Variants in PRKG1 observed in about 807,000 individuals in gnomAD.
PRKG1 encodes the protein protein kinase cGMP-dependent 1.
In PRKG1, 35 loss-of-function variants were observed where a neutral mutation model predicts 88.1. The ratio of observed to expected loss-of-function variants is 0.40; its 90% CI spans 0.30 to 0.53. PRKG1 has a LOEUF of 0.53. Ranked by LOEUF, PRKG1 falls within the 20% of genes least tolerant of loss-of-function variation. The probability of loss-of-function intolerance (pLI) is 0.59; values close to 1 mark genes in which losing one functional copy is unlikely to be tolerated. For synonymous variants in PRKG1, 303 were observed against 292.5 expected, an observed-to-expected ratio of 1.04 and a Z score of -0.37; for missense variants, 540 against 839.8, an observed-to-expected ratio of 0.64 and a Z score of 4.41.
chr10:51,366,360 T>C (rs114171627), intron 2 of PRKG1, among the ~76,000 whole-genome samples: 399 of 152,078 alleles, frequency 2.6e-3, no homozygotes, highest in African/African-American at 9.0e-3. Context: ...TTAAATCCAC[T>C]TAGATTTTAA....
chr10:52,051,496 C>G (rs952121934), intron 5 of PRKG1, among the ~76,000 whole-genome samples: 1 of 152,164 alleles, frequency 6.6e-6, no homozygotes, highest in Non-Finnish European at 1.5e-5. Context: ...GGAAAGCATT[C>G]TGCAAGCTGG....
chr10:51,473,295 G>A (rs1478091861), intron 3 of PRKG1, among the ~76,000 whole-genome samples: 1 of 151,852 alleles, frequency 6.6e-6, no homozygotes, highest in East Asian at 1.9e-4. Flanking sequence ...CAAAAGCCAT[G>A]TTTTAATCTC....
At chr10:51,587,453 T>A (rs1274906027) in intron 3 of PRKG1, among the ~76,000 whole-genome samples, 2 of 152,158 alleles carry the variant, frequency 1.3e-5, no homozygotes. Context: ...AGTGAGTCCA[T>A]AGAGAGTCTA....
At chr10:51,263,762 T>A (rs1318925864) in intron 2 of PRKG1, among the ~76,000 whole-genome samples, 3 of 152,212 alleles carry the variant, frequency 2.0e-5, no homozygotes, top group Non-Finnish European at 1.5e-5. Flanking sequence ...TATGAAAGAA[T>A]AAATGCTAGT....
chr10:51,808,220 T>G (rs1230083021), intron 4 of PRKG1, among the ~76,000 whole-genome samples: 1 of 152,210 alleles, frequency 6.6e-6, no homozygotes, highest in Non-Finnish European at 1.5e-5. Context: ...TTTAAAGTTT[T>G]TTTGTATAGT....
chr10:52,218,483 C>G (rs1247925020), intron 9 of PRKG1, among the ~76,000 whole-genome samples: 3 of 152,086 alleles, frequency 2.0e-5, no homozygotes, highest in Admixed American at 2.0e-4. Flanking sequence ...AAAACCTTAT[C>G]AAGTATGACC....
chr10:51,435,573 G>T (rs749876027), intron 2 of PRKG1, among the ~76,000 whole-genome samples: 3 of 151,668 alleles, frequency 2.0e-5, no homozygotes, highest in Non-Finnish European at 4.4e-5. Flanking sequence ...ATTATACTTG[G>T]CCTCTTTTGT....
At chr10:51,645,190 T>C (rs1839887605) in intron 3 of PRKG1, among the ~76,000 whole-genome samples, 1 of 152,214 alleles carries the variant, frequency 6.6e-6, no homozygotes, top group Admixed American at 6.5e-5. Flanking sequence ...TTTTCCCTTA[T>C]GTTATTTACA....
intron 4 of PRKG1, among the ~76,000 whole-genome samples, chr10:51,832,858 G>A (rs1840036751): frequency 6.6e-6 from 1 of 152,132 alleles, no homozygotes. Flanking sequence ...CACAGATAAA[G>A]TCTCTCTGGT....
At chr10:51,670,473 A>C (rs1435729109) in intron 3 of PRKG1, among the ~76,000 whole-genome samples, 1 of 150,954 alleles carries the variant, frequency 6.6e-6, no homozygotes, top group Non-Finnish European at 1.5e-5. Flanking sequence ...GCGGTGGCTC[A>C]CGCCTGTAAT....
At chr10:51,134,720 A>T (rs932919638) in intron 1 of PRKG1, among the ~76,000 whole-genome samples, 1 of 152,142 alleles carries the variant, frequency 6.6e-6, no homozygotes, top group African/African-American at 2.4e-5. Context: ...TAGATATTTG[A>T]ATGACATTAT....
intron 3 of PRKG1, among the ~76,000 whole-genome samples, chr10:51,482,397 A>G (rs942037655): frequency 2.0e-5 from 3 of 152,216 alleles, no homozygotes; most frequent in African/African-American, 7.2e-5. Flanking sequence ...AGGAACAGAC[A>G]GAAGGGATAC....
intron 3 of PRKG1, among the ~76,000 whole-genome samples, chr10:51,525,450 G>A (rs531639409): frequency 3.5e-4 from 54 of 152,316 alleles, no homozygotes; most frequent in African/African-American, 1.3e-3. Context: ...TGTAATCCCA[G>A]CACTTTGGGA....
Position 51,061,060 on chromosome 10 carries a change from G to GGTGTGTGTGTGTGTGTGTGTGTGT in PRKG1, c.266+69417_266+69440dup, listed in dbSNP as rs71029344. On this transcript the variant is annotated intron_variant, in intron 1 of 17. Coordinates refer to the PRKG1 transcript ENST00000401604. Reference sequence around the variant, plus strand: ...ACAGTTTTACTGTGTTATACCTAGGGGTGTGTGTGTGTGTGTGTGTGTGTC... The same window carrying GGTGTGTGTGTGTGTGTGTGTGTGT: ...ACAGTTTTACTGTGTTATACCTAGGGGTGTGTGTGTGTGTGTGTGTGTGTGTGTGTGTGTGTGTGTGTGTGTGTC... Among the ~76,000 whole-genome samples, 214 of 147,148 alleles carry GGTGTGTGTGTGTGTGTGTGTGTGT rather than the reference G, an allele frequency of 1.5e-3. 1 individual carries two copies. The highest frequency in any genetic ancestry group is 3.8e-3 in the African/African-American group (149 of 38,992).
chr10:52,134,594 GC>G (rs1564483956), intron 8 of PRKG1, among the ~76,000 whole-genome samples: 1 of 152,150 alleles, frequency 6.6e-6, no homozygotes, highest in Non-Finnish European at 1.5e-5. Context: ...AGTGGAACAG[GC>G]TTTTCTTCCT....
chr10:52,138,407 A>G (rs1212386929), intron 8 of PRKG1, among the ~76,000 whole-genome samples: 4 of 152,080 alleles, frequency 2.6e-5, no homozygotes, highest in Non-Finnish European at 5.9e-5. Context: ...TACCAGGCCC[A>G]TTGTTTAAAT....
intron 2 of PRKG1, among the ~76,000 whole-genome samples, chr10:51,304,377 ATAAT>A (rs1320470628): frequency 2.6e-5 from 4 of 152,178 alleles, no homozygotes; most frequent in East Asian, 3.8e-4. Flanking sequence ...AACTGATGTA[ATAAT>A]TAAGTTGAAT....
At chr10:51,016,233 A>G (rs1843057611) in intron 1 of PRKG1, among the ~76,000 whole-genome samples, 1 of 152,212 alleles carries the variant, frequency 6.6e-6, no homozygotes, top group East Asian at 1.9e-4. Context: ...TTCATTTTTC[A>G]GTCAAGCATT....
chr10:51,421,858 G>T (rs185790471), intron 2 of PRKG1, among the ~76,000 whole-genome samples: 399 of 152,272 alleles, frequency 2.6e-3, no homozygotes, highest in African/African-American at 9.3e-3. Flanking sequence ...GAGCTAGCCT[G>T]TTTCTGCTAC....
Sources: allele counts gnomAD v4.1 joint callset (sites outside exome capture counted in the v4.1 genomes callset), GRCh38; gene constraint gnomAD v4.1.1; transcripts MANE v1.5; gene names NCBI Gene and HGNC (gene_info 2026-07-23, HGNC 2026-07-21).